The following MXRA5 variants were observed in gnomAD, a reference collection of about 807,000 sequenced individuals.
The protein encoded by MXRA5 is matrix remodeling associated 5, also known as matrix-remodeling-associated protein 5.
In MXRA5, 41 loss-of-function variants were observed where a neutral mutation model predicts 112.5. The observed-to-expected ratio is 0.36, with a 90% CI of 0.28 to 0.47. MXRA5 has a LOEUF of 0.47. Among genes scored for constraint, MXRA5 ranks in the 20% least tolerant of loss-of-function variants. The pLI is 0.99. For synonymous variants in MXRA5, 862 were observed against 900.8 expected, an observed-to-expected ratio of 0.96 and a Z score of 0.77; for missense variants, 2,150 against 2,251.0, an observed-to-expected ratio of 0.96 and a Z score of 0.91.
intron 6 of MXRA5, among the ~76,000 whole-genome samples, chrX:3,312,539 A>G (rs1317237368): frequency 9.3e-6 from 1 of 107,005 alleles, no homozygotes; most frequent in Non-Finnish European, 1.9e-5. Flanking sequence ...GAGCCTTAAT[A>G]TTTCCTAAAT....
chrX:3,338,958 T>TAGA (rs1555947051), intron 2 of MXRA5, among the ~76,000 whole-genome samples: 43 of 80,823 alleles, frequency 5.3e-4, no homozygotes, highest in African/African-American at 2.4e-3. Context: ...AGATAGATAG[T>TAGA]TAGATAGATA....
chrX:3,315,147 C>G (rs1305482449), intron 6 of MXRA5, among the ~76,000 whole-genome samples: 2 of 107,430 alleles, frequency 1.9e-5, no homozygotes, highest in Non-Finnish European at 3.8e-5. Context: ...TGAGCAGCAT[C>G]CCGGGGCTGC....
At chrX:3,339,764 G>A (rs763216081) in intron 2 of MXRA5, among the ~76,000 whole-genome samples, 1 of 111,865 alleles carries the variant, frequency 8.9e-6, no homozygotes, top group African/African-American at 3.2e-5. Flanking sequence ...AAATTAGCAC[G>A]ACACTCAGGG....
chrX:3,326,361 CTG>C (rs1434416016), intron 4 of MXRA5, among the ~76,000 whole-genome samples: 2 of 96,660 alleles, frequency 2.1e-5, no homozygotes, highest in Non-Finnish European at 4.0e-5. Context: ...ATTTATAACT[CTG>C]TATATTTATA....
In MXRA5 at chrX:3,317,622, C is replaced by T; in HGVS notation, c.6059G>A (p.Arg2020Lys). 8.3e-7 allele frequency: 1 copy of T among 1,209,948 alleles called. No homozygotes were observed. Among genetic ancestry groups the T allele is most frequent in the East Asian group, 3.0e-5 (1 of 33,782 alleles). The change falls in exon 6 of 7, where the codon AGA becomes AAA. Residue 2020 changes from arginine to lysine, a missense_variant. Around this residue, in one of 6 missense-constraint regions of MXRA5, gnomAD observed 1,485 missense variants for 1,471.6 expected, o/e 1.01. Coordinates refer to ENST00000217939, the MANE Select transcript of MXRA5 (RefSeq NM_015419.4). ...GCTGGCCACGCACTTATAGACGCCTCTGTCTGAGAAGGACGCCTCCTTGAT... is the reference window on the plus strand; with the variant it reads ...GCTGGCCACGCACTTATAGACGCCTTTGTCTGAGAAGGACGCCTCCTTGAT... ...LSIKEASFSD[R>K]GVYKCVASNA...
Position 3,330,761 on chromosome X carries a change from T to C in MXRA5, c.201A>G (p.Ile67Met), listed in dbSNP as rs1351475712. 3 of 1,178,940 alleles carry C rather than the reference T, an allele frequency of 2.5e-6. No individual in the cohort carries two copies. The highest frequency in any genetic ancestry group is 3.0e-5 in the East Asian group (1 of 33,494). Residue 67 changes from isoleucine to methionine, a missense_variant, in exon 3 of 7, where the codon ATA becomes ATG. Coordinates refer to ENST00000217939, the MANE Select transcript of MXRA5 (RefSeq NM_015419.4). ...CAAATGAGGTTTCTGACAGGGCCTG[T>C]ATGCTATTAAACCTAAAGAATGGTA... ...VERINLGFNS[I>M]QALSETSFAG...
At chrX:3,312,409 C>T (rs1178202451) in intron 6 of MXRA5, among the ~76,000 whole-genome samples, 1 of 111,909 alleles carries the variant, frequency 8.9e-6, no homozygotes, top group Non-Finnish European at 1.9e-5. Context: ...TTTATAAATA[C>T]TGAAGTATCC....
chrX:3,325,841 T>TAAA (rs1389692056), intron 4 of MXRA5, among the ~76,000 whole-genome samples: 8 of 88,727 alleles, frequency 9.0e-5, no homozygotes, highest in African/African-American at 2.1e-4. Context: ...AATATATTTA[T>TAAA]TCATAAATAA....
Position 3,311,028 on chromosome X carries a change from G to A in MXRA5, c.7175C>T (p.Ser2392Phe). The A allele has an allele frequency of 8.3e-7, 1 of 1,211,752 alleles. No homozygotes were observed. Among genetic ancestry groups the A allele is most frequent in the Non-Finnish European group, 1.1e-6 (1 of 895,515 alleles). The change falls in exon 7 of 7, where the codon TCT (serine) becomes TTT (phenylalanine). Residue 2392 changes from serine (S) to phenylalanine (F), a missense_variant. By Grantham distance (155) the Ser-to-Phe change is radical (BLOSUM62 -2). This residue lies in a region of MXRA5 where 1,485 missense variants were observed against 1,471.6 expected (regional missense o/e 1.01). Coordinates refer to ENST00000217939, the MANE Select transcript of MXRA5 (RefSeq NM_015419.4). ...ATCTTGGTATATCTGATACTTCTCA[G>A]AGGAGGTGGGGATCACCTTGTTGGT... Reference protein sequence around the residue: ...SPTNKVIPTSSEKYQIYQDGT... With the variant: ...SPTNKVIPTSFEKYQIYQDGT...
In MXRA5 at chrX:3,323,773, T is replaced by C; in HGVS notation, c.1912A>G (p.Ile638Val). ...CTGTCACTGACTTGGACCTTTGGGA[T>C]GGAAAGAGTTCCATTTGGCAACATG... is the stretch of plus-strand genomic sequence containing the variant. Reference protein sequence around the residue: ...VYMLPNGTLSIPKVQVSDSGY... With the variant: ...VYMLPNGTLSVPKVQVSDSGY... The change falls in exon 5 of 7, where the codon ATC becomes GTC. Residue 638 changes from isoleucine (I) to valine (V), a missense_variant. This residue lies in a region of MXRA5 where 1,485 missense variants were observed against 1,471.6 expected (regional missense o/e 1.01). Coordinates refer to ENST00000217939, the MANE Select transcript of MXRA5 (RefSeq NM_015419.4). 2 of 1,212,016 alleles carry C rather than the reference T, an allele frequency of 1.7e-6. No individual in the cohort carries two copies. The highest frequency in any genetic ancestry group is 1.1e-6 in the Non-Finnish European group (1 of 895,512).
rs770515977 is a variant in MXRA5 at position 3,324,343 on chromosome X, C to A, written c.1342G>T (p.Ala448Ser). 2.5e-6 allele frequency: 3 copies of A among 1,209,332 alleles called. No individual in the cohort carries two copies. The highest frequency in any genetic ancestry group is 1.8e-5 in the African/African-American group (1 of 56,999). Residue 448 changes from alanine to serine, a missense_variant, in exon 5 of 7, where the codon GCC becomes TCC. Physicochemically the swap from Ala to Ser is moderately conservative, Grantham distance 99. Coordinates refer to ENST00000217939, the MANE Select transcript of MXRA5 (RefSeq NM_015419.4). ...DIQLNRRQSTAKKVLLSYYTQ... is the reference protein window; with the variant it reads ...DIQLNRRQSTSKKVLLSYYTQ... ...TAGTAGGAAAGTAGCACCTTCTTGG[C>A]CGTACTCTGACGTCGGTTCAGCTGG...
Position 3,310,498 on chromosome X carries a change from T to C in MXRA5, c.7705A>G (p.Thr2569Ala). 2 of 1,203,171 alleles carry C rather than the reference T, an allele frequency of 1.7e-6. No homozygotes were observed. The highest frequency in any genetic ancestry group is 2.2e-6 in the Non-Finnish European group (2 of 891,898). Residue 2569 changes from threonine (T) to alanine (A), a missense_variant, in exon 7 of 7, where the codon ACC (threonine) becomes GCC (alanine). Physicochemically the swap from Thr to Ala is moderately conservative, Grantham distance 58. Around this residue, in one of 6 missense-constraint regions of MXRA5, gnomAD observed 93 missense variants for 135.5 expected, o/e 0.69. Coordinates refer to ENST00000217939, the MANE Select transcript of MXRA5 (RefSeq NM_015419.4). ...ACCCACACCAGGCTGGGTGTCGGGGTCCCCGCGGCAGAGCAGTTGAGGCTG... is the reference window on the plus strand; with the variant it reads ...ACCCACACCAGGCTGGGTGTCGGGGCCCCCGCGGCAGAGCAGTTGAGGCTG... ...TISLNCSAAG[T>A]PTPSLVWVLP... is the part of the protein sequence containing the mutation.
intron 6 of MXRA5, among the ~76,000 whole-genome samples, chrX:3,312,431 G>A (rs1380058469): frequency 5.4e-5 from 6 of 111,713 alleles, no homozygotes; most frequent in Admixed American, 9.5e-5. Flanking sequence ...TTAGTTATTC[G>A]GAACTAATAT....
Position 3,315,391 on chromosome X carries a change from T to TAGATA in MXRA5, c.6578+1711_6578+1712insTATCT, listed in dbSNP as rs1555943433. ...TAGATAGAATAGATAGATAGATAGA[T>TAGATA]GATAGATAGATAGATAGATAGATAG... On this transcript the variant is annotated intron_variant, in intron 6 of 6. Coordinates refer to ENST00000217939, the MANE Select transcript of MXRA5 (RefSeq NM_015419.4). 2.6e-4 allele frequency among the ~76,000 whole-genome samples: 15 copies of TAGATA among 56,702 alleles called. 1 individual carries two copies. The highest frequency in any genetic ancestry group is 1.2e-3 in the African/African-American group (15 of 12,223). The allele number at this position is 56,702 out of a possible 115,157, so 49.2% of individuals were successfully genotyped here. A position where few individuals can be genotyped will look rare whatever the true frequency, so the allele number is the denominator to read the frequency against.
Position 3,318,017 on chromosome X carries a change from A to G in MXRA5, c.5678-14T>C. The G allele has an allele frequency of 1.7e-6, 2 of 1,172,113 alleles. No individual in the cohort carries two copies. The highest frequency in any genetic ancestry group is 2.3e-6 in the Non-Finnish European group (2 of 871,365). On this transcript the variant is annotated splice_polypyrimidine_tract_variant and intron_variant, in intron 5 of 6. Transcript: ENST00000217939. ...TCATAAGAGCTCCTGGAGAAAATTA[A>G]CACAGTCAGCTTTGGCATAAACTGT...
chrX:3,318,866 T>A (rs112440975), intron 5 of MXRA5, among the ~76,000 whole-genome samples: 3,010 of 106,822 alleles, frequency 0.028, 125 homozygotes, highest in African/African-American at 0.098. Flanking sequence ...TCTTTTTCTT[T>A]AAAAAAAAAA....
intron 6 of MXRA5, among the ~76,000 whole-genome samples, chrX:3,314,587 T>C (rs1169062103): frequency 3.6e-5 from 4 of 111,407 alleles, no homozygotes; most frequent in Non-Finnish European, 7.5e-5. Flanking sequence ...GTTAGGTAGA[T>C]AGACATGGAT....
intron 4 of MXRA5, 127 bp downstream of exon 4, chrX:3,329,891 G>T: frequency 1.2e-6 from 1 of 801,019 alleles, no homozygotes; most frequent in Non-Finnish European, 1.7e-6. Context: ...AGCTGATTGG[G>T]TGCTCAGATT....
At chrX:3,316,951 C>G in intron 6 of MXRA5, 152 bp downstream of exon 6, 1 of 664,794 alleles carries the variant, frequency 1.5e-6, no homozygotes, top group Non-Finnish European at 2.1e-6. Flanking sequence ...GCTGGGATTA[C>G]AGGCGTGAGC....
Sources: allele counts gnomAD v4.1 joint callset (sites outside exome capture counted in the v4.1 genomes callset), GRCh38; gene constraint gnomAD v4.1.1; regional missense constraint gnomAD v4.1.1; transcripts MANE v1.5; gene names NCBI Gene and HGNC (gene_info 2026-07-23, HGNC 2026-07-21).